Variants in INTU observed in about 807,000 individuals in gnomAD.
INTU encodes protein inturned.
Under a neutral mutation model 100.5 loss-of-function variants are expected in INTU, and 68 were observed. The ratio of observed to expected loss-of-function variants is 0.68; its 90% CI spans 0.56 to 0.83. The LOEUF (loss-of-function observed/expected upper bound fraction) is 0.83. Among genes scored for constraint, INTU ranks in the 40% least tolerant of loss-of-function variants. The pLI is 0.00. For missense variants in INTU, 1,071 were observed against 1,114.7 expected (o/e 0.96, Z 0.56); for synonymous variants, 357 against 395.7 (o/e 0.90, Z 1.16).
chr4:127,704,687 A>G (rs1730798330), intron 10 of INTU, among the ~76,000 whole-genome samples: 1 of 152,224 alleles, frequency 6.6e-6, no homozygotes, highest in Non-Finnish European at 1.5e-5. Flanking sequence ...TGTATAAAGT[A>G]TTTACAAATG....
At chr4:127,715,850 A>AT (rs1318391054) in intron 15 of INTU, among the ~76,000 whole-genome samples, 2 of 152,236 alleles carry the variant, frequency 1.3e-5, no homozygotes, top group African/African-American at 4.8e-5. Context: ...ATTAGTATTG[A>AT]TTAAATGGAT....
chr4:127,679,946 C>T (rs985376674), intron 6 of INTU, among the ~76,000 whole-genome samples: 1 of 152,206 alleles, frequency 6.6e-6, no homozygotes, highest in Non-Finnish European at 1.5e-5. Flanking sequence ...CACAGAATTA[C>T]AAACTACCGT....
rs1446435524 is a variant in INTU at position 127,718,517 on chromosome 4, G to A, written c.*2081G>A. On this transcript the variant is annotated 3_prime_UTR_variant, in exon 16 of 16. Transcript: ENST00000335251. ...TTAAAATAGTTTTTTCTAATTCTAT[G>A]AAGAATATCAATGGTAGTTTAATGG... is the stretch of plus-strand genomic sequence containing the variant. 1 of 152,098 alleles carries A rather than the reference G, an allele frequency of 6.6e-6. No homozygotes were observed. Among genetic ancestry groups the A allele is most frequent in the Non-Finnish European group, 1.5e-5 (1 of 68,012 alleles). 9.4% of individuals were successfully genotyped at this position (152,098 alleles called of 1,614,324 possible).
rs1177254633 is a variant in INTU, at chr4:127,724,513, G to A, written c.*8077G>A. 1 of 152,062 alleles carries A rather than the reference G, an allele frequency of 6.6e-6. No individual in the cohort carries two copies. Among genetic ancestry groups the A allele is most frequent in the Non-Finnish European group, 1.5e-5 (1 of 68,020 alleles). The allele number at this position is 152,062 out of a possible 1,614,324, so 9.4% of individuals were successfully genotyped here. On this transcript the variant is annotated 3_prime_UTR_variant, in exon 16 of 16. Coordinates refer to ENST00000335251, the MANE Select transcript of INTU (RefSeq NM_015693.4). ...AGGGGGAACACTTTAGTGAACAATA[G>A]TTTACTTGACCTTTAGTTGGAAAAG...
Position 127,664,371 on chromosome 4 carries a change from A to G in INTU, c.972+787A>G, listed in dbSNP as rs566299848. 2.6e-5 allele frequency among the ~76,000 whole-genome samples: 4 copies of G among 152,044 alleles called. No individual in the cohort carries two copies. In the South Asian group the frequency reaches 6.2e-4, roughly 24 times the overall value. On this transcript the variant is annotated intron_variant, in intron 4 of 15. Coordinates refer to ENST00000335251, the MANE Select transcript of INTU (RefSeq NM_015693.4). ...GATACCAGGTTACCTTTCAACCTCA[A>G]TGTTTTGAGGCTGTTAATTGTTTTG...
chr4:127,650,432 T>C (rs911790252), intron 2 of INTU, among the ~76,000 whole-genome samples: 1 of 144,116 alleles, frequency 6.9e-6, no homozygotes, highest in Admixed American at 7.4e-5. Context: ...GTCCATGTGA[T>C]CTCATTCTTC....
In INTU at chr4:127,706,866, GAGA is replaced by G; in HGVS notation, c.2172_2174del (p.Glu724del). The G allele has an allele frequency of 6.2e-7, 1 of 1,614,084 alleles. No homozygotes were observed. The highest frequency in any genetic ancestry group is 2.2e-5 in the East Asian group (1 of 44,884). ...GGATCTGACAATGGTTGTGAAGGTG[GAGA>G]AGATGATGGCTTTAGCCCCCATACT... is the stretch of plus-strand genomic sequence containing the variant. On this transcript the variant is annotated inframe_deletion, in exon 12 of 16. Transcript: ENST00000335251.
intron 8 of INTU, among the ~76,000 whole-genome samples, chr4:127,695,609 A>G (rs2148720764): frequency 6.6e-6 from 1 of 152,334 alleles, no homozygotes; most frequent in African/African-American, 2.4e-5. Context: ...GATTGTGTCA[A>G]TTCTTTCAGA....
At chr4:127,663,634 AGG>A (rs1189810930) in intron 4 of INTU, 50 bp downstream of exon 4, 3 of 1,474,024 alleles carry the variant, frequency 2.0e-6, no homozygotes, top group African/African-American at 2.8e-5. Flanking sequence ...AAAAGCCCAA[AGG>A]AAAAAGTAAG....
chr4:127,670,591 T>C (rs933973486), intron 5 of INTU, among the ~76,000 whole-genome samples: 3 of 151,780 alleles, frequency 2.0e-5, no homozygotes, highest in East Asian at 1.9e-4. Flanking sequence ...ATTCACCCAT[T>C]TGAAGTGCAT....
intron 2 of INTU, among the ~76,000 whole-genome samples, chr4:127,648,222 T>C (rs1251923269): frequency 6.6e-6 from 1 of 152,152 alleles, no homozygotes; most frequent in Non-Finnish European, 1.5e-5. Context: ...GAAAGACCTT[T>C]CCTTGGGTTT....
chr4:127,672,369 G>A (rs1044157853), intron 5 of INTU, among the ~76,000 whole-genome samples: 5 of 151,816 alleles, frequency 3.3e-5, no homozygotes, highest in African/African-American at 7.3e-5. Context: ...ATAATGTGTG[G>A]CTATTTGTGA....
chr4:127,707,644 T>C (rs1730943128), intron 12 of INTU, among the ~76,000 whole-genome samples: 1 of 146,996 alleles, frequency 6.8e-6, no homozygotes. Flanking sequence ...TTTGTGTGTC[T>C]GTGTGTGTGT....
Position 127,719,728 on chromosome 4 carries a change from G to A in INTU, c.*3292G>A, listed in dbSNP as rs546792927. 3 of 152,192 alleles carry A rather than the reference G, an allele frequency of 2.0e-5. No individual in the cohort carries two copies. The South Asian group carries it at 6.2e-4, about 32-fold the overall frequency. The allele number at this position is 152,192 out of a possible 1,614,324, so 9.4% of individuals were successfully genotyped here. On this transcript the variant is annotated 3_prime_UTR_variant, in exon 16 of 16. Transcript: ENST00000335251. ...AGTCTTGGGAGGGTGTATGTGTCCA[G>A]GAATTTATCCATTTCTTCTAGATTT...
chr4:127,680,180 G>A (rs1370162090), intron 6 of INTU, among the ~76,000 whole-genome samples: 1 of 152,224 alleles, frequency 6.6e-6, no homozygotes, highest in Admixed American at 6.5e-5. Context: ...GAGGTACAAG[G>A]AGAAACTGGT....
intron 2 of INTU, among the ~76,000 whole-genome samples, chr4:127,651,287 C>A (rs1189701544): frequency 6.6e-6 from 1 of 152,134 alleles, no homozygotes; most frequent in Non-Finnish European, 1.5e-5. Context: ...TCATGAAGTC[C>A]TTACCCGTGC....
chr4:127,707,562 T>C (rs1730941074), intron 12 of INTU, among the ~76,000 whole-genome samples: 2 of 152,098 alleles, frequency 1.3e-5, no homozygotes, highest in Non-Finnish European at 2.9e-5. Context: ...CTGTGGGGCC[T>C]GTTGGGGGCT....
Position 127,724,844 on chromosome 4 carries a change from C to A in INTU, c.*8408C>A. ...TTGAGTCATTTGGTCTTAAAAGAAACACTATTATCACTGTGTCACAGTTTG... is the reference window on the plus strand; with the variant it reads ...TTGAGTCATTTGGTCTTAAAAGAAAAACTATTATCACTGTGTCACAGTTTG... On this transcript the variant is annotated 3_prime_UTR_variant, in exon 16 of 16. Transcript: ENST00000335251. 6.6e-6 allele frequency: 1 copy of A among 152,232 alleles called. No individual in the cohort carries two copies. The highest frequency in any genetic ancestry group is 2.4e-5 in the African/African-American group (1 of 41,530). The allele number at this position is 152,232 out of a possible 1,614,324, so 9.4% of individuals were successfully genotyped here. A position where few individuals can be genotyped will look rare whatever the true frequency, so the allele number is the denominator to read the frequency against.
intron 12 of INTU, among the ~76,000 whole-genome samples, chr4:127,707,302 A>G (rs891122207): frequency 6.6e-6 from 1 of 151,162 alleles, no homozygotes; most frequent in Non-Finnish European, 1.5e-5. Flanking sequence ...AGAATTGCTT[A>G]AACTCAGGAG....
Sources: gnomAD v4.1 joint callset for allele counts (sites outside exome capture counted in the v4.1 genomes callset) on GRCh38, gnomAD v4.1.1 for gene constraint, MANE v1.5 for transcripts, NCBI Gene and HGNC (gene_info 2026-07-23, HGNC 2026-07-21) for gene names.